The following CAST variants were observed in gnomAD, a reference collection of about 807,000 sequenced individuals.
CAST encodes the protein calpastatin.
CAST carries 76 observed loss-of-function variants against 119.6 expected under a neutral mutation model. The ratio of observed to expected loss-of-function variants is 0.64; its 90% CI spans 0.53 to 0.77. CAST has a LOEUF of 0.77. Ranked by LOEUF, CAST falls within the 30% of genes least tolerant of loss-of-function variation. The probability of loss-of-function intolerance (pLI) is 0.00; values close to 1 mark genes in which losing one functional copy is unlikely to be tolerated. For missense variants in CAST, 953 were observed against 946.5 expected, an observed-to-expected ratio of 1.01 and a Z score of -0.09; for synonymous variants, 319 against 331.6, an observed-to-expected ratio of 0.96 and a Z score of 0.41.
chr5:96,020,507 A>G, the CAST span, among the ~76,000 whole-genome samples: 3 of 152,144 alleles, frequency 2.0e-5, no homozygotes, highest in Admixed American at 6.5e-5. Context: ...CATCGCTCAC[A>G]TTACTGCCTG....
chr5:96,167,214 A>T, the CAST span, among the ~76,000 whole-genome samples: 1 of 152,216 alleles, frequency 6.6e-6, no homozygotes, highest in African/African-American at 2.4e-5. Context: ...TTATTTATTT[A>T]CTTTAAGAGT....
At chr5:96,287,916 T>G in the CAST span, among the ~76,000 whole-genome samples, 2 of 152,158 alleles carry the variant, frequency 1.3e-5, no homozygotes, top group African/African-American at 4.8e-5. Flanking sequence ...TCTACAAACT[T>G]GAAACAGAAA....
At chr5:96,452,904 T>C in the CAST span, among the ~76,000 whole-genome samples, 7 of 120,814 alleles carry the variant, frequency 5.8e-5, no homozygotes, top group Non-Finnish European at 1.6e-5. Context: ...GAGCCGAGAT[T>C]GCGCCACTGC....
At chr5:96,552,354 T>A (rs868864682) in intron 1 of CAST, among the ~76,000 whole-genome samples, 6 of 152,324 alleles carry the variant, frequency 3.9e-5, no homozygotes, top group Middle Eastern at 3.4e-3. Context: ...GAAATAAAGA[T>A]GTTCTTTGAA....
Position 96,583,095 on chromosome 5 carries a change from C to T in CAST, c.60+53215C>T, listed in dbSNP as rs535636599. Among the ~76,000 whole-genome samples the T allele has an allele frequency of 4.6e-5, 7 of 152,246 alleles. No homozygotes were observed. In the South Asian group the frequency reaches 6.2e-4, roughly 14 times the overall value. ...ATGATTAGTGCATATATTGCCCAAA[C>T]CTTTAATGGTTTTTATGGCTGTCCT... On this transcript the variant is annotated intron_variant, in intron 1 of 11. Transcript: ENST00000505143.
the CAST span, among the ~76,000 whole-genome samples, chr5:96,032,866 GGAAA>G: frequency 6.6e-6 from 1 of 151,980 alleles, no homozygotes; most frequent in Non-Finnish European, 1.5e-5. Flanking sequence ...CCTCTAAATT[GGAAA>G]GAAAGAAGTT....
the CAST span, among the ~76,000 whole-genome samples, chr5:96,386,049 A>G: frequency 1.3e-5 from 2 of 152,218 alleles, no homozygotes; most frequent in African/African-American, 2.4e-5. Flanking sequence ...GGACAATAAT[A>G]TTATTTATCT....
At chr5:96,293,336 T>C in the CAST span, among the ~76,000 whole-genome samples, 1 of 152,252 alleles carries the variant, frequency 6.6e-6, no homozygotes, top group Non-Finnish European at 1.5e-5. Context: ...TGGAGTGCAG[T>C]GGCACGATCT....
At chr5:96,713,468 T>C (rs1355479326) in intron 3 of CAST, among the ~76,000 whole-genome samples, 2 of 152,060 alleles carry the variant, frequency 1.3e-5, no homozygotes, top group Non-Finnish European at 2.9e-5. Context: ...ATATCATCAA[T>C]AACCATATAT....
At chr5:96,176,760 C>T in the CAST span, among the ~76,000 whole-genome samples, 2 of 152,094 alleles carry the variant, frequency 1.3e-5, no homozygotes, top group Non-Finnish European at 2.9e-5. Flanking sequence ...AACCCTGTAT[C>T]GCATGAGTTC....
At chr5:96,188,669 C>A in the CAST span, among the ~76,000 whole-genome samples, 1 of 152,044 alleles carries the variant, frequency 6.6e-6, no homozygotes, top group Non-Finnish European at 1.5e-5. Flanking sequence ...CCTTTTCTTT[C>A]ACATTTTACA....
the CAST span, among the ~76,000 whole-genome samples, chr5:96,126,487 C>T: frequency 6.6e-6 from 1 of 152,036 alleles, no homozygotes; most frequent in Non-Finnish European, 1.5e-5. Context: ...TAAAGCTCAT[C>T]TTTTCTGATA....
chr5:96,158,595 G>T, the CAST span, among the ~76,000 whole-genome samples: 17 of 152,208 alleles, frequency 1.1e-4, 1 homozygote, highest in Non-Finnish European at 2.5e-4. Context: ...GCAAGTATCA[G>T]TTCTGCACAG....
chr5:96,154,304 A>C, the CAST span, among the ~76,000 whole-genome samples: 1 of 152,058 alleles, frequency 6.6e-6, no homozygotes, highest in African/African-American at 2.4e-5. Flanking sequence ...AAAAAAACAA[A>C]AAAAAACATA....
At chr5:95,972,505 T>G in the CAST span, among the ~76,000 whole-genome samples, 1 of 152,148 alleles carries the variant, frequency 6.6e-6, no homozygotes, top group Non-Finnish European at 1.5e-5. Context: ...ATCCATGTGT[T>G]TGTTTGCCAT....
chr5:96,440,041 G>T, the CAST span, among the ~76,000 whole-genome samples: 1 of 152,038 alleles, frequency 6.6e-6, no homozygotes, highest in Admixed American at 6.6e-5. Context: ...CTGAAACTCA[G>T]GAAATAGCTA....
chr5:96,293,882 C>A, the CAST span, among the ~76,000 whole-genome samples: 1 of 151,934 alleles, frequency 6.6e-6, no homozygotes, highest in African/African-American at 2.4e-5. Flanking sequence ...GCCTCAGCCT[C>A]CCGAGTAGCT....
At chr5:96,452,315 AAG>A in the CAST span, among the ~76,000 whole-genome samples, 5 of 152,298 alleles carry the variant, frequency 3.3e-5, no homozygotes, top group East Asian at 9.6e-4. Flanking sequence ...GCAGCCATAA[AAG>A]AGGATGAGTC....
the CAST span, among the ~76,000 whole-genome samples, chr5:96,460,774 G>A: frequency 6.6e-6 from 1 of 152,044 alleles, no homozygotes; most frequent in East Asian, 1.9e-4. Context: ...ACTTGTTTGA[G>A]GTGGACAGAA....
Sources: gnomAD v4.1 joint callset for allele counts (sites outside exome capture counted in the v4.1 genomes callset) on GRCh38, gnomAD v4.1.1 for gene constraint, MANE v1.5 for transcripts, NCBI Gene and HGNC (gene_info 2026-07-23, HGNC 2026-07-21) for gene names.